Variants in PHF10 observed in about 807,000 individuals in gnomAD.
PHF10 encodes BRG1-associated factor 45a.
PHF10 carries 51 observed loss-of-function variants against 68.5 expected under a neutral mutation model. The ratio of observed to expected loss-of-function variants is 0.74; its 90% CI spans 0.59 to 0.94. The LOEUF is 0.94. Ranked by LOEUF, PHF10 falls within the 40% of genes least tolerant of loss-of-function variation. The pLI, the probability that PHF10 is intolerant of heterozygous loss-of-function variation, is 0.00. For synonymous variants in PHF10, 204 were observed against 203.5 expected (o/e 1.00, Z -0.02); for missense variants, 460 against 602.6 (o/e 0.76, Z 2.48).
intron 8 of PHF10, among the ~76,000 whole-genome samples, chr6:169,711,439 G>A (rs1447161153): frequency 6.6e-6 from 1 of 152,106 alleles, no homozygotes; most frequent in African/African-American, 2.4e-5. Context: ...TTCAGCATCT[G>A]ATTAAATCCT....
At chr6:169,708,490 A>G (rs1157274127) in intron 9 of PHF10, 1 of 152,162 alleles carries the variant, frequency 6.6e-6, no homozygotes, top group Non-Finnish European at 1.5e-5. Flanking sequence ...TACTTTTTAT[A>G]AAGAGGTTAA....
chr6:169,719,394 G>GT (rs11372372), intron 2 of PHF10: 2,383 of 153,410 alleles, frequency 0.016, 34 homozygotes, highest in African/African-American at 0.039. Context: ...ATCATAAACC[G>GT]TAACTGTTTG....
In PHF10 at chr6:169,724,081, C is replaced by A. The variant is rs1238633930; in HGVS notation, c.-150G>T. On this transcript the variant is annotated 5_prime_UTR_variant, in exon 1 of 12. Transcript: ENST00000339209. Reference sequence around the variant, plus strand: ...TCCGCCCGCCCGCCCGGGGGCCGGCCCCTGCCGCCGCGCGCCCCGCGGCCC... The same window carrying A: ...TCCGCCCGCCCGCCCGGGGGCCGGCACCTGCCGCCGCGCGCCCCGCGGCCC... The A allele has an allele frequency of 1.4e-5, 2 of 143,808 alleles. No individual in the cohort carries two copies. The highest frequency in any genetic ancestry group is 6.8e-5 in the Admixed American group (1 of 14,610). The allele number at this position is 143,808 out of a possible 1,614,324, so 8.9% of individuals were successfully genotyped here.
chr6:169,715,598 A>AAC lies in PHF10; in HGVS notation c.693+108_693+109dup, dbSNP rs937457784. ...ACAAAACAAACAAACAAACAAAAAAAACACACACACATAGGTGGTACAAAA... is the reference window on the plus strand; with the variant it reads ...ACAAAACAAACAAACAAACAAAAAAAACACACACACACATAGGTGGTACAAAA... On this transcript the variant is annotated intron_variant, in intron 6 of 11. Transcript: ENST00000339209. 2.1e-5 allele frequency: 20 copies of AAC among 950,750 alleles called. No individual in the cohort carries two copies. In the Admixed American group the frequency reaches 3.7e-4, roughly 18 times the overall value. The allele number at this position is 950,750 out of a possible 1,614,324, so 58.9% of individuals were successfully genotyped here.
chr6:169,705,831 A>G (rs1562984063), intron 9 of PHF10, 107 bp from the exon 10 acceptor site: 3 of 686,110 alleles, frequency 4.4e-6, no homozygotes, highest in East Asian at 2.6e-5. Flanking sequence ...GTAACTTGCT[A>G]ATGAGGACCA....
At chr6:169,704,277 C>T in intron 11 of PHF10, 189 bp from the exon 12 acceptor site, 2 of 516,000 alleles carry the variant, frequency 3.9e-6, no homozygotes, top group Non-Finnish European at 6.9e-6. Flanking sequence ...CAATGCCATG[C>T]AAAATTCATT....
chr6:169,708,844 A>T (rs2128329258), intron 9 of PHF10: 1 of 152,154 alleles, frequency 6.6e-6, no homozygotes, highest in East Asian at 1.9e-4. Context: ...CTTCCATTTA[A>T]AGCTCTTAGC....
intron 1 of PHF10, among the ~76,000 whole-genome samples, chr6:169,723,145 C>T (rs1044368366): frequency 6.6e-6 from 1 of 152,208 alleles, no homozygotes; most frequent in African/African-American, 2.4e-5. Flanking sequence ...CAGTTCCCAC[C>T]GCCTTCTAAT....
At chr6:169,715,617 T>C in intron 6 of PHF10, 91 bp downstream of exon 6, 6 of 1,073,064 alleles carry the variant, frequency 5.6e-6, no homozygotes, top group Admixed American at 2.0e-5. Context: ...ACATAGGTGG[T>C]ACAAAAAATA....
At chr6:169,712,924 T>C (rs950620944) in intron 7 of PHF10, among the ~76,000 whole-genome samples, 3 of 152,214 alleles carry the variant, frequency 2.0e-5, no homozygotes, top group Non-Finnish European at 2.9e-5. Flanking sequence ...GACCTAATAA[T>C]AGCATCTACC....
intron 8 of PHF10, among the ~76,000 whole-genome samples, chr6:169,710,950 A>G (rs901097626): frequency 2.6e-5 from 4 of 152,182 alleles, no homozygotes; most frequent in African/African-American, 9.6e-5. Flanking sequence ...TTATATATTC[A>G]AGGTTTAAGA....
intron 1 of PHF10, among the ~76,000 whole-genome samples, chr6:169,721,318 CA>C: frequency 6.6e-6 from 1 of 152,274 alleles, no homozygotes; most frequent in Admixed American, 6.5e-5. Context: ...AGAACATTTT[CA>C]ATGAACCCGT....
At position 169,721,265 on chromosome 6, in the gene PHF10, C is replaced by T. The variant is rs17860605; in HGVS notation, c.88-154G>A. ...GTCCAAGAGTTTGGCATGAGCAAGA[C>T]CTGGAATAAAATTTAAAACTGATCT... On this transcript the variant is annotated intron_variant, in intron 1 of 11. Coordinates refer to ENST00000339209, the MANE Select transcript of PHF10 (RefSeq NM_018288.4). Among the ~76,000 whole-genome samples the T allele has an allele frequency of 9.9e-3, 1,514 of 152,238 alleles. 11 individuals carry two copies. Among genetic ancestry groups the T allele is most frequent in the Non-Finnish European group, 0.016 (1,096 of 68,014 alleles).
At chr6:169,723,209 C>G (rs1412283912) in intron 1 of PHF10, among the ~76,000 whole-genome samples, 1 of 152,216 alleles carries the variant, frequency 6.6e-6, no homozygotes, top group Non-Finnish European at 1.5e-5. Context: ...TCCCTTCCAA[C>G]TTTCTGTCAC....
chr6:169,706,723 TACATACACACAC>T (rs1392494457), intron 9 of PHF10, among the ~76,000 whole-genome samples: 962 of 72,460 alleles, frequency 0.013, 11 homozygotes, highest in African/African-American at 0.036. Flanking sequence ...CATACATACA[TACATACACACAC>T]ACACACACAC....
At chr6:169,713,990 C>T (rs1480554142) in intron 7 of PHF10, among the ~76,000 whole-genome samples, 1 of 152,024 alleles carries the variant, frequency 6.6e-6, no homozygotes, top group East Asian at 1.9e-4. Flanking sequence ...GGCGTGGTGG[C>T]ATGTGCCTGC....
chr6:169,712,529 C>G lies in PHF10; in HGVS notation c.814G>C (p.Asp272His), dbSNP rs1788948541. 2 of 1,609,612 alleles carry G rather than the reference C, an allele frequency of 1.2e-6. No homozygotes were observed. Among genetic ancestry groups the G allele is most frequent in the Non-Finnish European group, 1.7e-6 (2 of 1,178,950 alleles). Residue 272 changes from aspartate (D) to histidine (H), a missense_variant, in exon 8 of 12, where the codon GAT becomes CAT. Around this residue, in one of 3 missense-constraint regions of PHF10, gnomAD observed 256 missense variants for 410.5 expected, o/e 0.62. Coordinates refer to ENST00000339209, the MANE Select transcript of PHF10 (RefSeq NM_018288.4). The stretch of plus-strand genomic sequence containing the variant: ...TTTAATGGCAGATACCGCAGCTCAT[C>G]TGGTGAGTACCTGAAGTTCAGAGAG... ...FQEYYKRYSPDELRYLPLNTA... is the reference protein window; with the variant it reads ...FQEYYKRYSPHELRYLPLNTA...
chr6:169,704,359 C>T, intron 11 of PHF10: 1 of 395,836 alleles, frequency 2.5e-6, no homozygotes, highest in East Asian at 4.1e-5. Flanking sequence ...ACAATCTTTC[C>T]TGAAATTCAA....
intron 1 of PHF10, 56 bp downstream of exon 1, chr6:169,723,789 C>T: frequency 1.8e-6 from 1 of 567,166 alleles, no homozygotes; most frequent in Non-Finnish European, 2.4e-6. Flanking sequence ...GGCCCACGCC[C>T]CGGCACCCAG....
Sources: allele counts gnomAD v4.1 joint callset (sites outside exome capture counted in the v4.1 genomes callset), GRCh38; gene constraint gnomAD v4.1.1; regional missense constraint gnomAD v4.1.1; transcripts MANE v1.5; gene names NCBI Gene and HGNC (gene_info 2026-07-23, HGNC 2026-07-21).